NUDCD1: variants seen among roughly 807,000 people sequenced by gnomAD.
NUDCD1 encodes the protein NudC domain containing 1.
NUDCD1 carries 60 observed loss-of-function variants against 67.8 expected under a neutral mutation model. The ratio of observed to expected loss-of-function variants is 0.88; its 90% CI spans 0.72 to 1.10. The LOEUF is 1.10. Among genes scored for constraint, NUDCD1 ranks in the 50% least tolerant of loss-of-function variants. The pLI is 0.00. For missense variants in NUDCD1, 643 were observed against 695.0 expected, an observed-to-expected ratio of 0.93 and a Z score of 0.84; for synonymous variants, 244 against 230.8, an observed-to-expected ratio of 1.06 and a Z score of -0.52.
intron 6 of NUDCD1, among the ~76,000 whole-genome samples, chr8:109,280,119 T>C (rs891564622): frequency 6.6e-6 from 1 of 152,308 alleles, no homozygotes; most frequent in East Asian, 1.9e-4. Flanking sequence ...ACAGAAGTTA[T>C]TGAAAACAAC....
chr8:109,247,033 C>T (rs1303433121), intron 8 of NUDCD1, among the ~76,000 whole-genome samples: 1 of 152,178 alleles, frequency 6.6e-6, no homozygotes, highest in Non-Finnish European at 1.5e-5. Context: ...TTGCTCTCTA[C>T]AAAATAAGGG....
chr8:109,249,814 TA>T (rs953809992), intron 8 of NUDCD1, among the ~76,000 whole-genome samples: 10 of 150,320 alleles, frequency 6.7e-5, no homozygotes, highest in African/African-American at 2.2e-4. Context: ...AGAATCCCAT[TA>T]AAAAATGAGA....
rs183570357 is a variant in NUDCD1, at chr8:109,244,605, A to G, written c.1459+717T>C. The stretch of plus-strand genomic sequence containing the variant: ...TCTACAATTAGGGTTGTGCACATAT[A>G]GCCATCAAAATACGTAACTTCACTT... On this transcript the variant is annotated intron_variant, in intron 9 of 9. Transcript: ENST00000239690. 2.5e-3 allele frequency among the ~76,000 whole-genome samples: 376 copies of G among 152,282 alleles called. 2 individuals carry two copies. Among genetic ancestry groups the G allele is most frequent in the African/African-American group, 8.0e-3 (332 of 41,570 alleles).
At chr8:109,303,352 A>T (rs1462734714) in intron 2 of NUDCD1, among the ~76,000 whole-genome samples, 1 of 152,170 alleles carries the variant, frequency 6.6e-6, no homozygotes, top group African/African-American at 2.4e-5. Context: ...CTTACACTGG[A>T]GGGTAAGTCT....
At chr8:109,293,001 T>A (rs950961352) in intron 4 of NUDCD1, among the ~76,000 whole-genome samples, 7 of 152,186 alleles carry the variant, frequency 4.6e-5, no homozygotes, top group Middle Eastern at 3.4e-3. Flanking sequence ...TGTATTAATT[T>A]ACATTTAGTT....
At chr8:109,279,332 G>A (rs1814375088) in intron 6 of NUDCD1, among the ~76,000 whole-genome samples, 1 of 152,078 alleles carries the variant, frequency 6.6e-6, no homozygotes, top group Non-Finnish European at 1.5e-5. Flanking sequence ...TCTCACTCTA[G>A]TTTTAATTTT....
chr8:109,313,299 T>C (rs1815301070), intron 2 of NUDCD1, among the ~76,000 whole-genome samples: 1 of 152,124 alleles, frequency 6.6e-6, no homozygotes, highest in South Asian at 2.1e-4. Flanking sequence ...TACCAAATAA[T>C]TGTTAAATAT....
intron 2 of NUDCD1, among the ~76,000 whole-genome samples, chr8:109,314,681 C>T (rs2926252): frequency 6.6e-6 from 1 of 152,104 alleles, no homozygotes; most frequent in Non-Finnish European, 1.5e-5. Flanking sequence ...TTCAGTTTTT[C>T]TTCAGGCCTC....
At chr8:109,282,696 A>AGGGGGGGGGGGG (rs1586276180) in intron 5 of NUDCD1, among the ~76,000 whole-genome samples, 1 of 90,260 alleles carries the variant, frequency 1.1e-5, no homozygotes, top group Non-Finnish European at 2.3e-5. Context: ...GTGGGGGGCT[A>AGGGGGGGGGGGG]GGGGAGGGAT....
In NUDCD1 at chr8:109,260,966, A is replaced by G. The variant is rs187370269; in HGVS notation, c.1299+10039T>C. 1.4e-4 allele frequency among the ~76,000 whole-genome samples: 22 copies of G among 152,348 alleles called. No homozygotes were observed. The East Asian group carries it at 4.0e-3, about 28-fold the overall frequency. ...AGCACCATATACATTTATTTGCTCA[A>G]TGTTGGCATGGTTACATTAAAAGTG... On this transcript the variant is annotated intron_variant, in intron 8 of 9. Coordinates refer to ENST00000239690, the MANE Select transcript of NUDCD1 (RefSeq NM_032869.4).
In NUDCD1 at chr8:109,311,557, G is replaced by GTATATATATATATATATA. The variant is rs569380890; in HGVS notation, c.273+10751_273+10752insTATATATATATATATATA. On this transcript the variant is annotated intron_variant, in intron 2 of 9. Coordinates refer to ENST00000239690, the MANE Select transcript of NUDCD1 (RefSeq NM_032869.4). Reference sequence around the variant, plus strand: ...TCAATGAGTGGATAAAGAAACTGTGGTGTATATATATATATGATGGGATAC... The same window carrying GTATATATATATATATATA: ...TCAATGAGTGGATAAAGAAACTGTGGTATATATATATATATATATGTATATATATATATGATGGGATAC... 8.0e-3 allele frequency among the ~76,000 whole-genome samples: 503 copies of GTATATATATATATATATA among 62,662 alleles called. 15 individuals carry two copies. The highest frequency in any genetic ancestry group is 0.019 in the Middle Eastern group (3 of 154). 41.1% of individuals were successfully genotyped at this position (62,662 alleles called of 152,430 possible). A position where few individuals can be genotyped will look rare whatever the true frequency, so the allele number is the denominator to read the frequency against.
At chr8:109,333,851 A>AG in intron 1 of NUDCD1, 42 bp downstream of exon 1, 1 of 1,607,042 alleles carries the variant, frequency 6.2e-7, no homozygotes. Flanking sequence ...GGCAGCCGAA[A>AG]GGGGAAAGGA....
chr8:109,281,227 A>T, intron 5 of NUDCD1, 55 bp from the exon 6 acceptor site: 1 of 1,146,562 alleles, frequency 8.7e-7, no homozygotes, highest in Non-Finnish European at 1.3e-6. Context: ...AAGCATACAC[A>T]CACACAAAAC....
At chr8:109,270,092 G>C (rs1586265365) in intron 8 of NUDCD1, among the ~76,000 whole-genome samples, 2 of 65,418 alleles carry the variant, frequency 3.1e-5, no homozygotes, top group Non-Finnish European at 6.4e-5. Flanking sequence ...GTGCCTTAAG[G>C]TGGGGTGTGA....
intron 8 of NUDCD1, among the ~76,000 whole-genome samples, chr8:109,262,261 T>C (rs533328235): frequency 3.3e-5 from 5 of 152,208 alleles, no homozygotes; most frequent in Non-Finnish European, 7.3e-5. Flanking sequence ...ATGCCCCCAG[T>C]GGACAGACAA....
At chr8:109,287,822 A>T (rs534072940) in intron 5 of NUDCD1, among the ~76,000 whole-genome samples, 4 of 152,146 alleles carry the variant, frequency 2.6e-5, no homozygotes, top group Non-Finnish European at 5.9e-5. Flanking sequence ...ATGAAAGGCC[A>T]TGGATGTAGA....
At chr8:109,281,817 G>GC (rs1563670396) in intron 5 of NUDCD1, among the ~76,000 whole-genome samples, 1 of 152,124 alleles carries the variant, frequency 6.6e-6, no homozygotes, top group Non-Finnish European at 1.5e-5. Context: ...GTGTTGGGGG[G>GC]CCCTCTCTGC....
chr8:109,245,495 T>A lies in NUDCD1; in HGVS notation c.1300-14A>T, dbSNP rs771665042. 95 of 1,570,794 alleles carry A rather than the reference T, an allele frequency of 6.0e-5. No homozygotes were observed. The Middle Eastern group carries it at 6.8e-4, about 11-fold the overall frequency. On this transcript the variant is annotated splice_polypyrimidine_tract_variant and intron_variant, in intron 8 of 9. Transcript: ENST00000239690. ...TCCAAGATTCACCTAAAAAGTGATTTAAAAAAAAATTTACTCAACAACAAA... is the reference window on the plus strand; with the variant it reads ...TCCAAGATTCACCTAAAAAGTGATTAAAAAAAAAATTTACTCAACAACAAA...
chr8:109,260,853 T>C (rs1255585828), intron 8 of NUDCD1, among the ~76,000 whole-genome samples: 3 of 152,204 alleles, frequency 2.0e-5, no homozygotes, highest in African/African-American at 7.2e-5. Flanking sequence ...GTTATAAATA[T>C]TTATTTACAT....
Sources: gnomAD v4.1 joint callset for allele counts (sites outside exome capture counted in the v4.1 genomes callset) on GRCh38, gnomAD v4.1.1 for gene constraint, MANE v1.5 for transcripts, NCBI Gene and HGNC (gene_info 2026-07-23, HGNC 2026-07-21) for gene names.